Variants in ANO4 observed in about 807,000 individuals in gnomAD.
The protein encoded by ANO4 is anoctamin-4.
In ANO4, 69 loss-of-function variants were observed where a neutral mutation model predicts 141.9. That is an observed-to-expected ratio of 0.49 (90% CI 0.40 to 0.59). The LOEUF (loss-of-function observed/expected upper bound fraction) is 0.59, where lower values mean the gene tolerates loss of function less well. Ranked by LOEUF, ANO4 falls within the 20% of genes least tolerant of loss-of-function variation. The pLI is 0.00. For missense variants in ANO4, 894 were observed against 1,162.2 expected (o/e 0.77, Z 3.36); for synonymous variants, 350 against 394.3 (o/e 0.89, Z 1.33).
At chr12:100,792,978 C>T (rs2135622256), upstream of ANO4, among the ~76,000 whole-genome samples, 1 of 152,318 alleles carries the variant, frequency 6.6e-6, no homozygotes, top group East Asian at 1.9e-4. Context: ...TTATGACAAA[C>T]ATCTAACTAG....
chr12:101,051,970 C>A (rs922680698), intron 14 of ANO4, among the ~76,000 whole-genome samples: 2 of 152,074 alleles, frequency 1.3e-5, no homozygotes, highest in African/African-American at 2.4e-5. Flanking sequence ...TTATGATCGA[C>A]AAGTTACAGC....
intron 5 of ANO4, among the ~76,000 whole-genome samples, chr12:100,965,030 A>G (rs2043591137): frequency 6.6e-6 from 1 of 152,164 alleles, no homozygotes; most frequent in Non-Finnish European, 1.5e-5. Flanking sequence ...ACAGGCCATC[A>G]GTAAAGATTT....
At chr12:100,728,697 G>C (rs2031244211) in intron 1 of ANO4, among the ~76,000 whole-genome samples, 1 of 152,190 alleles carries the variant, frequency 6.6e-6, no homozygotes, top group African/African-American at 2.4e-5. Flanking sequence ...CAAAGAGTGA[G>C]TGCTCAGTAA....
intron 25 of ANO4, among the ~76,000 whole-genome samples, chr12:101,120,266 G>A (rs1390168812): frequency 6.6e-6 from 1 of 152,140 alleles, no homozygotes; most frequent in Non-Finnish European, 1.5e-5. Flanking sequence ...CACTGATCAG[G>A]TCTGGCTCAT....
intron 3 of ANO4, among the ~76,000 whole-genome samples, chr12:100,770,684 A>G (rs1216382719): frequency 2.0e-5 from 3 of 151,382 alleles, no homozygotes; most frequent in Non-Finnish European, 4.4e-5. Flanking sequence ...CTCATATTTA[A>G]CCCCCTGTTT....
intron 7 of ANO4, among the ~76,000 whole-genome samples, chr12:100,980,760 G>A (rs1283538713): frequency 6.6e-6 from 1 of 152,074 alleles, no homozygotes; most frequent in Non-Finnish European, 1.5e-5. Flanking sequence ...ATGGATTTTT[G>A]GAGTTAATGC....
intron 14 of ANO4, among the ~76,000 whole-genome samples, chr12:101,056,843 C>A (rs1443634208): frequency 6.6e-6 from 1 of 150,994 alleles, no homozygotes; most frequent in Non-Finnish European, 1.5e-5. Flanking sequence ...CTAAGACAAT[C>A]CTGTTTCTTT....
chr12:100,826,291 A>T (rs975409472), intron 1 of ANO4, among the ~76,000 whole-genome samples: 2 of 45,416 alleles, frequency 4.4e-5, no homozygotes, highest in Non-Finnish European at 8.7e-5. Flanking sequence ...GATGGAATTG[A>T]GAAAAAAAGA....
chr12:100,967,482 T>C (rs2043723100), intron 5 of ANO4, among the ~76,000 whole-genome samples: 1 of 152,018 alleles, frequency 6.6e-6, no homozygotes, highest in Non-Finnish European at 1.5e-5. Context: ...TAACAAGCAG[T>C]AGGTAATGCC....
chr12:100,877,409 T>G (rs1344207740), intron 1 of ANO4, among the ~76,000 whole-genome samples: 2 of 151,476 alleles, frequency 1.3e-5, no homozygotes, highest in East Asian at 3.9e-4. Context: ...TATATAATTT[T>G]TATTTTCCAA....
intron 2 of ANO4, among the ~76,000 whole-genome samples, chr12:100,910,376 A>C (rs572843330): frequency 7.9e-5 from 12 of 152,284 alleles, no homozygotes; most frequent in African/African-American, 2.4e-4. Flanking sequence ...GTCTCTCATT[A>C]TGCTGTATAA....
At chr12:100,815,482 C>T (rs1035751540) in intron 1 of ANO4, among the ~76,000 whole-genome samples, 7 of 152,036 alleles carry the variant, frequency 4.6e-5, no homozygotes, top group East Asian at 1.9e-4. Flanking sequence ...GTACCATAAG[C>T]GTGTAACATA....
chr12:101,033,720 G>A (rs143552564), intron 9 of ANO4, among the ~76,000 whole-genome samples: 2,921 of 152,170 alleles, frequency 0.019, 48 homozygotes, highest in Non-Finnish European at 0.031. Flanking sequence ...CAGAGCGGGA[G>A]AAATTTTTTG....
intron 2 of ANO4, among the ~76,000 whole-genome samples, chr12:100,921,783 T>C (rs940975338): frequency 7.9e-5 from 12 of 152,114 alleles, no homozygotes; most frequent in African/African-American, 2.9e-4. Context: ...AATACCTTGT[T>C]TCCGTAATAT....
At chr12:100,898,805 A>C (rs1409762170) in intron 1 of ANO4, among the ~76,000 whole-genome samples, 1 of 152,222 alleles carries the variant, frequency 6.6e-6, no homozygotes, top group African/African-American at 2.4e-5. Context: ...TCAGGAGAGC[A>C]GTCTATTTCA....
At chr12:100,724,550 A>G (rs368580515) in intron 1 of ANO4, among the ~76,000 whole-genome samples, 1 of 152,198 alleles carries the variant, frequency 6.6e-6, no homozygotes. Flanking sequence ...AAACAGCAAT[A>G]CTGTCTTTGT....
intron 1 of ANO4, among the ~76,000 whole-genome samples, chr12:100,890,904 G>A (rs745745605): frequency 2.0e-5 from 3 of 152,132 alleles, no homozygotes; most frequent in African/African-American, 4.8e-5. Flanking sequence ...ATTAAACAGA[G>A]TAGTTTTATT....
At chr12:100,747,072 G>A (rs1414938454) in intron 3 of ANO4, among the ~76,000 whole-genome samples, 1 of 152,252 alleles carries the variant, frequency 6.6e-6, no homozygotes, top group Non-Finnish European at 1.5e-5. Flanking sequence ...CCCAACAGAC[G>A]TCAGTTGTGA....
chr12:100,843,156 G>A (rs1415881525), intron 1 of ANO4, among the ~76,000 whole-genome samples: 2 of 152,138 alleles, frequency 1.3e-5, no homozygotes, highest in Admixed American at 6.5e-5. Flanking sequence ...TGGGTTGGCT[G>A]TAGGCAAATT....
Sources: allele counts gnomAD v4.1 joint callset (sites outside exome capture counted in the v4.1 genomes callset), GRCh38; gene constraint gnomAD v4.1.1; transcripts MANE v1.5; gene names NCBI Gene and HGNC (gene_info 2026-07-23, HGNC 2026-07-21).